Variants in CD1B observed in about 807,000 individuals in gnomAD.
CD1B encodes the protein T-cell surface glycoprotein CD1b.
In CD1B, 43 loss-of-function variants were observed where a neutral mutation model predicts 39.8. That is an observed-to-expected ratio of 1.08 (90% CI 0.85 to 1.39). The LOEUF (loss-of-function observed/expected upper bound fraction) is 1.39, where lower values mean the gene tolerates loss of function less well. Ranked by LOEUF, CD1B falls within the 40% of genes most tolerant of loss-of-function variation. CD1B has a pLI of 0.00. For missense variants in CD1B, 495 were observed against 403.8 expected (o/e 1.23, Z -1.94); for synonymous variants, 192 against 152.5 (o/e 1.26, Z -1.91).
downstream of CD1B, among the ~76,000 whole-genome samples, chr1:158,324,392 C>A (rs1357167068): frequency 6.6e-6 from 1 of 152,116 alleles, no homozygotes; most frequent in African/African-American, 2.4e-5. Flanking sequence ...GTAGATAATT[C>A]TTGGAGTTGG....
At chr1:158,306,701 G>A in the CD1B span, among the ~76,000 whole-genome samples, 2 of 152,286 alleles carry the variant, frequency 1.3e-5, no homozygotes, top group East Asian at 1.9e-4. Context: ...CTTAGCAAAT[G>A]TAAAAGAACA....
At chr1:158,315,365 G>T in the CD1B span, among the ~76,000 whole-genome samples, 1 of 151,722 alleles carries the variant, frequency 6.6e-6, no homozygotes, top group Admixed American at 6.6e-5. Flanking sequence ...GGTGTGAGAT[G>T]GTATCTCATT....
At chr1:158,307,200 G>A in the CD1B span, among the ~76,000 whole-genome samples, 5 of 152,120 alleles carry the variant, frequency 3.3e-5, no homozygotes, top group East Asian at 1.9e-4. Flanking sequence ...TAATACAGAA[G>A]AAAAGAGAGC....
the CD1B span, chr1:158,292,856 G>A: frequency 6.2e-6 from 10 of 1,614,002 alleles, no homozygotes; most frequent in Admixed American, 1.7e-5. Flanking sequence ...AGGAGGCCAG[G>A]ACATCATCCT....
At chr1:158,315,973 T>C in the CD1B span, among the ~76,000 whole-genome samples, 1 of 152,020 alleles carries the variant, frequency 6.6e-6, no homozygotes, top group African/African-American at 2.4e-5. Context: ...GTTGTAGATA[T>C]GTGGCATTAA....
At chr1:158,292,654 G>A in the CD1B span, 1 of 1,613,698 alleles carries the variant, frequency 6.2e-7, no homozygotes, top group South Asian at 1.1e-5. Flanking sequence ...AGCTGTTGCT[G>A]GTTTGTCATG....
At chr1:158,290,721 C>G in the CD1B span, among the ~76,000 whole-genome samples, 1 of 152,150 alleles carries the variant, frequency 6.6e-6, no homozygotes, top group African/African-American at 2.4e-5. Context: ...TTGCTAAGAA[C>G]AGAGATCAGC....
chr1:158,306,244 G>A, the CD1B span, among the ~76,000 whole-genome samples: 12 of 151,930 alleles, frequency 7.9e-5, no homozygotes, highest in Non-Finnish European at 1.8e-4. Flanking sequence ...GACCTAATAA[G>A]CAAATGGAAA....
At chr1:158,298,436 AATATAC>A in the CD1B span, among the ~76,000 whole-genome samples, 1 of 152,100 alleles carries the variant, frequency 6.6e-6, no homozygotes, top group African/African-American at 2.4e-5. Flanking sequence ...AAACCAAAAG[AATATAC>A]ATTCTTCCCA....
At chr1:158,319,703 T>C in the CD1B span, among the ~76,000 whole-genome samples, 4 of 152,258 alleles carry the variant, frequency 2.6e-5, no homozygotes. Flanking sequence ...CCATTGCTGG[T>C]GAGGAACTGC....
downstream of CD1B, among the ~76,000 whole-genome samples, chr1:158,323,205 T>A (rs1652246457): frequency 6.6e-6 from 1 of 152,126 alleles, no homozygotes; most frequent in South Asian, 2.1e-4. Flanking sequence ...TTTCCCACTT[T>A]GGCCATATTT....
At chr1:158,288,417 G>A in the CD1B span, among the ~76,000 whole-genome samples, 13 of 152,106 alleles carry the variant, frequency 8.5e-5, no homozygotes, top group Admixed American at 1.3e-4. Context: ...TTTAAGGCAC[G>A]GTCTTGCTCT....
the CD1B span, chr1:158,291,064 T>C: frequency 1.3e-6 from 2 of 1,489,536 alleles, no homozygotes; most frequent in Non-Finnish European, 1.8e-6. Flanking sequence ...CACCTTCCAT[T>C]TTCTCTCCAT....
the CD1B span, among the ~76,000 whole-genome samples, chr1:158,318,626 G>T: frequency 6.6e-6 from 1 of 152,142 alleles, no homozygotes; most frequent in Non-Finnish European, 1.5e-5. Context: ...CAATTTGCCA[G>T]TCTGTGTCTT....
At chr1:158,302,207 A>C in the CD1B span, among the ~76,000 whole-genome samples, 1 of 152,238 alleles carries the variant, frequency 6.6e-6, no homozygotes, top group African/African-American at 2.4e-5. Flanking sequence ...TTGGGTAAAC[A>C]ACGAAGTCAG....
At chr1:158,289,824 G>T in the CD1B span, 1 of 461,062 alleles carries the variant, frequency 2.2e-6, no homozygotes, top group Non-Finnish European at 3.9e-6. Flanking sequence ...ATGGAGCTTA[G>T]TGGCAGAGCA....
the CD1B span, among the ~76,000 whole-genome samples, chr1:158,313,123 T>G: frequency 6.6e-6 from 1 of 152,178 alleles, no homozygotes; most frequent in Non-Finnish European, 1.5e-5. Context: ...TTTTGTCCTT[T>G]ATTCTATTAA....
the CD1B span, chr1:158,291,364 G>A: frequency 1.9e-6 from 3 of 1,614,094 alleles, no homozygotes; most frequent in Non-Finnish European, 2.5e-6. Context: ...ATTAACTCGG[G>A]AGATTCAAGA....
chr1:158,293,665 C>T, the CD1B span: 5 of 1,375,358 alleles, frequency 3.6e-6, no homozygotes, highest in Non-Finnish European at 5.0e-6. Flanking sequence ...TTATATAGCA[C>T]TCAACCTTCA....
Sources: allele counts gnomAD v4.1 joint callset (sites outside exome capture counted in the v4.1 genomes callset), GRCh38; gene constraint gnomAD v4.1.1; transcripts MANE v1.5; gene names NCBI Gene and HGNC (gene_info 2026-07-23, HGNC 2026-07-21).